The following PCDH7 variants were observed in gnomAD, a reference collection of about 807,000 sequenced individuals.
PCDH7 encodes the protein protocadherin-7.
In PCDH7, 17 loss-of-function variants were observed where a neutral mutation model predicts 58.9. The ratio of observed to expected loss-of-function variants is 0.29; its 90% CI spans 0.20 to 0.43. The LOEUF (loss-of-function observed/expected upper bound fraction) is 0.43, where lower values mean the gene tolerates loss of function less well. Among genes scored for constraint, PCDH7 ranks in the 20% least tolerant of loss-of-function variants. PCDH7 has a pLI of 1.00. For synonymous variants in PCDH7, 664 were observed against 616.4 expected (o/e 1.08, Z -1.14); for missense variants, 1,274 against 1,441.0 (o/e 0.88, Z 1.88).
intron 3 of PCDH7, among the ~76,000 whole-genome samples, chr4:31,120,277 T>TAGG (rs1322483477): frequency 6.6e-6 from 1 of 151,958 alleles, no homozygotes; most frequent in East Asian, 1.9e-4. Context: ...CTTTCTTCCT[T>TAGG]TCCTGTTCAT....
intron 1 of PCDH7, among the ~76,000 whole-genome samples, chr4:30,774,510 G>A (rs893487087): frequency 3.3e-5 from 5 of 152,142 alleles, no homozygotes; most frequent in Non-Finnish European, 1.5e-5. Context: ...ATTCAAATCA[G>A]CAGATGTTCA....
intron 3 of PCDH7, among the ~76,000 whole-genome samples, chr4:31,092,318 G>A (rs1036807548): frequency 2.0e-5 from 3 of 151,958 alleles, no homozygotes; most frequent in South Asian, 2.1e-4. Context: ...AGGGATAGAC[G>A]TTGGGGAAGG....
chr4:31,004,316 C>T (rs1752594075), intron 3 of PCDH7, among the ~76,000 whole-genome samples: 1 of 152,130 alleles, frequency 6.6e-6, no homozygotes, highest in Non-Finnish European at 1.5e-5. Flanking sequence ...AGAAGCCATA[C>T]ACACATGATA....
At chr4:30,755,039 T>G (rs975566613) in intron 1 of PCDH7, among the ~76,000 whole-genome samples, 3 of 152,168 alleles carry the variant, frequency 2.0e-5, no homozygotes, top group African/African-American at 7.2e-5. Context: ...GTTTGGGGTT[T>G]AACAACTTTT....
At chr4:31,070,668 T>C (rs1266986405) in intron 3 of PCDH7, among the ~76,000 whole-genome samples, 1 of 152,116 alleles carries the variant, frequency 6.6e-6, no homozygotes, top group African/African-American at 2.4e-5. Flanking sequence ...CTGTAGCCTA[T>C]GGAAATATTT....
intron 1 of PCDH7, among the ~76,000 whole-genome samples, chr4:30,907,489 A>G (rs1021449558): frequency 2.0e-5 from 3 of 152,248 alleles, no homozygotes; most frequent in Non-Finnish European, 4.4e-5. Context: ...AGCCAATGTC[A>G]TATGCAAAAA....
intron 3 of PCDH7, among the ~76,000 whole-genome samples, chr4:31,040,269 A>C (rs1463069409): frequency 6.6e-6 from 1 of 151,254 alleles, no homozygotes; most frequent in Admixed American, 6.6e-5. Context: ...ATTCTTCCCC[A>C]CTCTTCCCTG....
intron 1 of PCDH7, among the ~76,000 whole-genome samples, chr4:30,839,978 G>T (rs1578003620): frequency 6.6e-6 from 1 of 151,738 alleles, no homozygotes; most frequent in East Asian, 1.9e-4. Context: ...TGAGAAAGAG[G>T]CTTTATGATT....
At chr4:30,928,629 G>C (rs1250873377) in intron 2 of PCDH7, among the ~76,000 whole-genome samples, 6 of 152,184 alleles carry the variant, frequency 3.9e-5, no homozygotes, top group African/African-American at 7.2e-5. Flanking sequence ...AGAGTGGTGT[G>C]AGGTACAGAG....
intron 3 of PCDH7, among the ~76,000 whole-genome samples, chr4:30,992,416 C>G (rs1751531809): frequency 6.6e-6 from 1 of 152,140 alleles, no homozygotes; most frequent in Admixed American, 6.5e-5. Flanking sequence ...TAACAACAAC[C>G]TTATACCGTT....
At chr4:30,815,702 A>G (rs1052973708) in intron 1 of PCDH7, among the ~76,000 whole-genome samples, 1 of 152,138 alleles carries the variant, frequency 6.6e-6, no homozygotes, top group Admixed American at 6.5e-5. Context: ...TTTGCCTCTT[A>G]GTGCACATGT....
At chr4:30,798,347 C>T (rs1361498423) in intron 1 of PCDH7, among the ~76,000 whole-genome samples, 1 of 152,104 alleles carries the variant, frequency 6.6e-6, no homozygotes, top group African/African-American at 2.4e-5. Flanking sequence ...GGGTTGTATG[C>T]TTACTTGAGA....
chr4:31,087,728 A>G (rs1712652065), intron 3 of PCDH7, among the ~76,000 whole-genome samples: 1 of 152,128 alleles, frequency 6.6e-6, no homozygotes, highest in South Asian at 2.1e-4. Flanking sequence ...ATTAATTCAG[A>G]ATTTCATCTT....
chr4:30,976,305 G>A (rs1423933311), intron 3 of PCDH7, among the ~76,000 whole-genome samples: 1 of 151,648 alleles, frequency 6.6e-6, no homozygotes, highest in African/African-American at 2.4e-5. Context: ...TGGTCAGGCT[G>A]GTCTTGGACT....
intron 1 of PCDH7, among the ~76,000 whole-genome samples, chr4:30,834,107 T>A (rs16884156): frequency 6.6e-6 from 1 of 152,136 alleles, no homozygotes; most frequent in Non-Finnish European, 1.5e-5. Context: ...AGCTAAAACA[T>A]ATAACACCAT....
chr4:30,832,956 A>G (rs1729989619), intron 1 of PCDH7, among the ~76,000 whole-genome samples: 1 of 152,176 alleles, frequency 6.6e-6, no homozygotes, highest in South Asian at 2.1e-4. Context: ...CTACTACAAT[A>G]TCTCTGTAGC....
rs185887646 is a variant in PCDH7, at chr4:30,834,910, T to C, written c.71-85243T>C. Among the ~76,000 whole-genome samples, 7 of 150,066 alleles carry C rather than the reference T, an allele frequency of 4.7e-5. No homozygotes were observed. The East Asian group carries it at 1.4e-3, about 29-fold the overall frequency. On this transcript the variant is annotated intron_variant, in intron 1 of 3. Transcript: ENST00000509759. ...ACTTTATAAACATTGGTGTTATATA[T>C]ATATATATGTGTATATATATACACA...
Position 30,986,414 on chromosome 4 carries a change from CA to C in PCDH7, c.*7+36205del, listed in dbSNP as rs536198973. Among the ~76,000 whole-genome samples, 313 of 151,666 alleles carry C rather than the reference CA, an allele frequency of 2.1e-3. 1 individual carries two copies. Among genetic ancestry groups the C allele is most frequent in the Non-Finnish European group, 3.7e-3 (252 of 67,874 alleles). ...CCTTTCTTAAAAGCACACAGAAAAG[CA>C]AAAAACAAACAAACAAGGAAAAAAC... On this transcript the variant is annotated intron_variant, in intron 3 of 3. Transcript: ENST00000509759.
chr4:30,810,785 A>G (rs774602599), intron 1 of PCDH7, among the ~76,000 whole-genome samples: 4 of 151,748 alleles, frequency 2.6e-5, no homozygotes, highest in Admixed American at 1.3e-4. Flanking sequence ...TAATTTTTGT[A>G]TTTTAGTAGA....
Sources: allele counts gnomAD v4.1 joint callset (sites outside exome capture counted in the v4.1 genomes callset), GRCh38; gene constraint gnomAD v4.1.1; transcripts MANE v1.5; gene names NCBI Gene and HGNC (gene_info 2026-07-23, HGNC 2026-07-21).